Variants in ITGAD observed in about 807,000 individuals in gnomAD.
ITGAD encodes integrin subunit alpha D.
In ITGAD, 105 loss-of-function variants were observed where a neutral mutation model predicts 139.0. The observed-to-expected ratio is 0.76, with a 90% confidence interval of 0.65 to 0.89. The LOEUF (loss-of-function observed/expected upper bound fraction) is 0.89. ITGAD is among the 40% of genes least tolerant of loss of function. ITGAD has a pLI of 0.00. For synonymous variants in ITGAD, 569 were observed against 598.3 expected (o/e 0.95, Z 0.71); for missense variants, 1,384 against 1,487.3 (o/e 0.93, Z 1.14).
chr16:31,408,745 A>AT (rs2081603863), intron 10 of ITGAD: 1 of 472,260 alleles, frequency 2.1e-6, no homozygotes, highest in Non-Finnish European at 3.9e-6. Flanking sequence ...AGCACTAAGC[A>AT]TCAGGGTAGA....
At chr16:31,415,724 C>A (rs2081868565) in intron 18 of ITGAD, among the ~76,000 whole-genome samples, 1 of 152,194 alleles carries the variant, frequency 6.6e-6, no homozygotes, top group African/African-American at 2.4e-5. Context: ...CCTTACCTCC[C>A]TCTCTTCTGA....
chr16:31,426,030 C>G lies in ITGAD; in HGVS notation c.3388C>G (p.Arg1130Gly), dbSNP rs201870715. ...ATLYKLGFFK[R>G]HYKEMLEDKP... ...CCCCTGATAGCTTGGCTTCTTCAAA[C>G]GCCACTACAAGGAAATGCTGGAGGA... The change falls in exon 30 of 30, where the codon CGC becomes GGC. Residue 1130 changes from arginine (R) to glycine (G), a missense_variant. Transcript: ENST00000389202. The G allele has an allele frequency of 6.2e-7, 1 of 1,613,014 alleles. No individual in the cohort carries two copies. The highest frequency in any genetic ancestry group is 8.5e-7 in the Non-Finnish European group (1 of 1,178,998).
rs766257006 is a variant in ITGAD at position 31,397,341 on chromosome 16, C to T, written c.138-18C>T. 14 of 1,552,916 alleles carry T rather than the reference C, an allele frequency of 9.0e-6. No homozygotes were observed. The South Asian group carries it at 9.4e-5, about 10-fold the overall frequency. On this transcript the variant is annotated intron_variant, in intron 2 of 29. Coordinates refer to ENST00000389202, the MANE Select transcript of ITGAD (RefSeq NM_005353.3). ...CCCTCCTGTGGCTGCAGTGACATGGCCATGGTTGTGTCTCCAGACTCGTGG... is the reference window on the plus strand; with the variant it reads ...CCCTCCTGTGGCTGCAGTGACATGGTCATGGTTGTGTCTCCAGACTCGTGG...
chr16:31,399,520 C>G (rs1232523945), intron 5 of ITGAD, among the ~76,000 whole-genome samples: 1 of 152,008 alleles, frequency 6.6e-6, no homozygotes, highest in Non-Finnish European at 1.5e-5. Flanking sequence ...AGAAACATTA[C>G]CAGAGCAAAT....
chr16:31,397,701 TG>T, intron 4 of ITGAD, 35 bp downstream of exon 4: 1 of 259,072 alleles, frequency 3.9e-6, no homozygotes, highest in Non-Finnish European at 6.5e-6. Flanking sequence ...GGGGGTGGGG[TG>T]GGGCGGGGGG....
intron 20 of ITGAD, among the ~76,000 whole-genome samples, 192 bp downstream of exon 20, chr16:31,416,838 A>G (rs2081901093): frequency 6.6e-6 from 1 of 152,172 alleles, no homozygotes; most frequent in Admixed American, 6.5e-5. Flanking sequence ...TAAACAAACC[A>G]TAGAGTTAAC....
At chr16:31,404,887 A>G (rs1243341716) in intron 7 of ITGAD, among the ~76,000 whole-genome samples, 3 of 123,464 alleles carry the variant, frequency 2.4e-5, no homozygotes, top group African/African-American at 9.5e-5. Context: ...TCCCTCCCTC[A>G]CTTCATTTCT....
At chr16:31,408,962 G>A (rs1373386848) in intron 10 of ITGAD, among the ~76,000 whole-genome samples, 1 of 152,192 alleles carries the variant, frequency 6.6e-6, no homozygotes, top group African/African-American at 2.4e-5. Flanking sequence ...GACCAGGTGG[G>A]ATCAAAGATG....
At chr16:31,405,405 T>A (rs1383394726) in intron 7 of ITGAD, among the ~76,000 whole-genome samples, 1 of 152,182 alleles carries the variant, frequency 6.6e-6, no homozygotes, top group Non-Finnish European at 1.5e-5. Context: ...GGAAACTTTT[T>A]TTAAAAGAAG....
chr16:31,423,040 G>A lies in ITGAD; in HGVS notation c.2781-74G>A, dbSNP rs943654644. On this transcript the variant is annotated intron_variant, in intron 23 of 29. Transcript: ENST00000389202. ...TGAGACATCTGCCCAGCCCAACAGA[G>A]CTCTCTGCAGTAGGACAGGGCACAA... is the stretch of plus-strand genomic sequence containing the variant. 1.2e-5 allele frequency: 14 copies of A among 1,146,080 alleles called. No homozygotes were observed. In the South Asian group the frequency reaches 1.3e-4, roughly 11 times the overall value. 71.0% of individuals were successfully genotyped at this position (1,146,080 alleles called of 1,614,324 possible).
Position 31,423,442 on chromosome 16 carries a change from A to G in ITGAD, c.2950A>G (p.Met984Val). Reference protein sequence around the residue: ...LNGVAVWDVVMEAPSQSLPCV... With the variant: ...LNGVAVWDVVVEAPSQSLPCV... Reference sequence around the variant, plus strand: ...CGGGGTGGCTGTGTGGGATGTGGTCATGGAGGCCCCATCTCAGGTACCCGC... The same window carrying G: ...CGGGGTGGCTGTGTGGGATGTGGTCGTGGAGGCCCCATCTCAGGTACCCGC... The change falls in exon 25 of 30, where the codon ATG (methionine) becomes GTG (valine). Residue 984 changes from methionine (M) to valine (V), a missense_variant. By Grantham distance (21) the Met-to-Val change is conservative. Transcript: ENST00000389202. The G allele has an allele frequency of 6.2e-7, 1 of 1,613,940 alleles. No homozygotes were observed. The highest frequency in any genetic ancestry group is 8.5e-7 in the Non-Finnish European group (1 of 1,179,836).
At chr16:31,409,911 CAA>C (rs11447533) in intron 10 of ITGAD, among the ~76,000 whole-genome samples, 4 of 89,782 alleles carry the variant, frequency 4.5e-5, no homozygotes, top group African/African-American at 8.9e-5. Context: ...CAGCCTGTCT[CAA>C]AAAAAAAAAA....
chr16:31,414,251 C>CCATCCATA (rs1597146445), intron 16 of ITGAD, among the ~76,000 whole-genome samples, 200 bp from the exon 17 acceptor site: 1 of 141,654 alleles, frequency 7.1e-6, no homozygotes, highest in African/African-American at 3.1e-5. Context: ...ATCTAGCCAT[C>CCATCCATA]CATCCATCCA....
intron 2 of ITGAD, among the ~76,000 whole-genome samples, chr16:31,396,334 G>A (rs149934311): frequency 0.011 from 1,691 of 152,264 alleles, 30 homozygotes; most frequent in African/African-American, 0.038. Context: ...TTAGCCTGGC[G>A]TGATGGCAGG....
At chr16:31,419,629 G>A (rs2142832082) in intron 23 of ITGAD, among the ~76,000 whole-genome samples, 1 of 152,084 alleles carries the variant, frequency 6.6e-6, no homozygotes, top group East Asian at 1.9e-4. Context: ...TGGCCAACAT[G>A]GCGAAACCTT....
chr16:31,398,482 C>T (rs1359388748), intron 5 of ITGAD, among the ~76,000 whole-genome samples: 1 of 150,422 alleles, frequency 6.6e-6, no homozygotes, highest in Non-Finnish European at 1.5e-5. Context: ...TGCACCACCA[C>T]ACCCTGCTAA....
chr16:31,426,199 G>T lies in ITGAD; in HGVS notation c.*71G>T. On this transcript the variant is annotated 3_prime_UTR_variant, in exon 30 of 30. Transcript: ENST00000389202. Reference sequence around the variant, plus strand: ...TTGCAACCATAAATCAACTTACATGGAAACAACTTCTGCATAGATCTGCAC... The same window carrying T: ...TTGCAACCATAAATCAACTTACATGTAAACAACTTCTGCATAGATCTGCAC... 1 of 1,042,298 alleles carries T rather than the reference G, an allele frequency of 9.6e-7. No individual in the cohort carries two copies. Among genetic ancestry groups the T allele is most frequent in the South Asian group, 1.3e-5 (1 of 75,106 alleles). 64.6% of individuals were successfully genotyped at this position (1,042,298 alleles called of 1,614,324 possible).
Position 31,418,531 on chromosome 16 carries a change from CGGT to C in ITGAD, c.2749_2751del (p.Val917del). The C allele has an allele frequency of 6.2e-7, 1 of 1,614,118 alleles. No homozygotes were observed. Among genetic ancestry groups the C allele is most frequent in the African/African-American group, 1.3e-5 (1 of 75,040 alleles). On this transcript the variant is annotated inframe_deletion, in exon 23 of 30. Coordinates refer to ENST00000389202, the MANE Select transcript of ITGAD (RefSeq NM_005353.3). ...AAGGCCACCTTCCAGCTGGAGCTCC[CGGT>C]GAAGTATGCAGTCTACACCATGATC...
At chr16:31,398,250 C>T (rs1238317473) in intron 5 of ITGAD, among the ~76,000 whole-genome samples, 1 of 139,780 alleles carries the variant, frequency 7.2e-6, no homozygotes, top group Admixed American at 7.3e-5. Flanking sequence ...AACCCCTCTA[C>T]TAAAAATACA....
Sources: allele counts gnomAD v4.1 joint callset (sites outside exome capture counted in the v4.1 genomes callset), GRCh38; gene constraint gnomAD v4.1.1; transcripts MANE v1.5; gene names NCBI Gene and HGNC (gene_info 2026-07-23, HGNC 2026-07-21).